Variants in ST6GALNAC3 observed in about 807,000 individuals in gnomAD.
The protein encoded by ST6GALNAC3 is alpha-N-acetylgalactosaminide alpha-2,6-sialyltransferase 3.
A neutral mutation model predicts 32.7 loss-of-function variants in ST6GALNAC3; 25 were observed. The ratio of observed to expected loss-of-function variants is 0.76; its 90% CI spans 0.56 to 1.07. The LOEUF (loss-of-function observed/expected upper bound fraction) is 1.07, where lower values mean the gene tolerates loss of function less well. ST6GALNAC3 is among the 50% of genes least tolerant of loss of function. ST6GALNAC3 has a pLI of 0.00. For missense variants in ST6GALNAC3, 355 were observed against 382.4 expected, an observed-to-expected ratio of 0.93 and a Z score of 0.60; for synonymous variants, 129 against 133.1, an observed-to-expected ratio of 0.97 and a Z score of 0.21.
rs186017720 is a variant in ST6GALNAC3 at position 76,399,704 on chromosome 1, A to G, written c.214-12304A>G. 1.9e-3 allele frequency among the ~76,000 whole-genome samples: 295 copies of G among 152,318 alleles called. 1 individual carries two copies. The highest frequency in any genetic ancestry group is 6.7e-3 in the African/African-American group (277 of 41,580). On this transcript the variant is annotated intron_variant, in intron 2 of 4. Coordinates refer to ENST00000328299, the MANE Select transcript of ST6GALNAC3 (RefSeq NM_152996.4). ...ACCTCTTTACACCATTGAATTTTCT[A>G]TTCCATGTATATGTTATGTCTCTCC...
At chr1:76,508,769 A>C (rs376238586) in intron 3 of ST6GALNAC3, among the ~76,000 whole-genome samples, 22 of 151,722 alleles carry the variant, frequency 1.5e-4, no homozygotes, top group African/African-American at 4.9e-4. Flanking sequence ...TATTCTCTAC[A>C]GTTTTACAGC....
chr1:76,438,703 C>T (rs1398421420), intron 3 of ST6GALNAC3, among the ~76,000 whole-genome samples: 1 of 152,112 alleles, frequency 6.6e-6, no homozygotes, highest in African/African-American at 2.4e-5. Flanking sequence ...CCCATCTCAC[C>T]TCCTCAGTAC....
chr1:76,216,695 T>C lies in ST6GALNAC3; in HGVS notation c.19-97110T>C, dbSNP rs1012454740. Among the ~76,000 whole-genome samples, 39 of 152,236 alleles carry C rather than the reference T, an allele frequency of 2.6e-4. 1 individual carries two copies. On this transcript the variant is annotated intron_variant, in intron 1 of 4. Coordinates refer to ENST00000328299, the MANE Select transcript of ST6GALNAC3 (RefSeq NM_152996.4). ...ATTGGTCAGCAGTTTCATGCAACCA[T>C]TGAGTGAAATCCAATGTGGAAAGGA...
intron 2 of ST6GALNAC3, among the ~76,000 whole-genome samples, chr1:76,392,163 A>C (rs1437974738): frequency 6.6e-6 from 1 of 152,184 alleles, no homozygotes; most frequent in Non-Finnish European, 1.5e-5. Context: ...GACATTGCCA[A>C]ATGTTCCCTA....
intron 3 of ST6GALNAC3, among the ~76,000 whole-genome samples, chr1:76,507,727 G>T (rs1399496789): frequency 6.6e-6 from 1 of 152,162 alleles, no homozygotes; most frequent in Non-Finnish European, 1.5e-5. Flanking sequence ...TTATCATGTG[G>T]TTATGAACAT....
intron 1 of ST6GALNAC3, among the ~76,000 whole-genome samples, chr1:76,165,570 T>G (rs1652069729): frequency 6.6e-6 from 1 of 152,146 alleles, no homozygotes; most frequent in African/African-American, 2.4e-5. Flanking sequence ...GGTATTTCTG[T>G]TTTTAGGTCT....
At chr1:76,113,294 G>GTCCAGCTTCCGCTCGGCA (rs1179792093) in intron 1 of ST6GALNAC3, among the ~76,000 whole-genome samples, 2 of 145,516 alleles carry the variant, frequency 1.4e-5, no homozygotes, top group African/African-American at 5.0e-5. Flanking sequence ...CAGCAGTACA[G>GTCCAGCTTCCGCTCGGCA]TCCAGCTTCC....
chr1:76,588,238 A>T (rs1285358795), intron 3 of ST6GALNAC3, among the ~76,000 whole-genome samples: 1 of 151,888 alleles, frequency 6.6e-6, no homozygotes, highest in Admixed American at 6.6e-5. Flanking sequence ...AATATCACTT[A>T]AAAAAAATAA....
At chr1:76,555,683 G>C (rs1208751331) in intron 3 of ST6GALNAC3, among the ~76,000 whole-genome samples, 1 of 152,090 alleles carries the variant, frequency 6.6e-6, no homozygotes, top group Non-Finnish European at 1.5e-5. Flanking sequence ...AAAGTAGCAG[G>C]TGTAAAGGAG....
At chr1:76,120,532 A>G (rs1482522735) in intron 1 of ST6GALNAC3, among the ~76,000 whole-genome samples, 2 of 152,234 alleles carry the variant, frequency 1.3e-5, no homozygotes. Flanking sequence ...TGATAGATAA[A>G]GAAGATATAA....
intron 1 of ST6GALNAC3, among the ~76,000 whole-genome samples, chr1:76,176,194 A>G (rs2100441893): frequency 6.6e-6 from 1 of 152,318 alleles, no homozygotes; most frequent in Non-Finnish European, 1.5e-5. Context: ...ACAGAGCTTC[A>G]TCTTCTGCTG....
At chr1:76,155,665 G>A (rs1229700230) in intron 1 of ST6GALNAC3, among the ~76,000 whole-genome samples, 4 of 151,198 alleles carry the variant, frequency 2.6e-5, no homozygotes, top group South Asian at 4.2e-4. Flanking sequence ...TTTTAGTAGA[G>A]ACAGGGTTTC....
chr1:76,233,397 A>G (rs1557714749), intron 1 of ST6GALNAC3, among the ~76,000 whole-genome samples: 1 of 152,244 alleles, frequency 6.6e-6, no homozygotes, highest in Non-Finnish European at 1.5e-5. Flanking sequence ...TTCGACCTAA[A>G]GAAGCATACA....
rs145970478 is a variant in ST6GALNAC3, at chr1:76,454,743, C to T, written c.623+42326C>T. On this transcript the variant is annotated intron_variant, in intron 3 of 4. Transcript: ENST00000328299. ...TTTCCTTTCATCTTGACTTTAGATA[C>T]CCTGATGACTATGTGCCTAGACAAT... Among the ~76,000 whole-genome samples, 225 of 152,212 alleles carry T rather than the reference C, an allele frequency of 1.5e-3. 1 individual carries two copies. The highest frequency in any genetic ancestry group is 5.0e-3 in the African/African-American group (209 of 41,556).
intron 2 of ST6GALNAC3, among the ~76,000 whole-genome samples, chr1:76,358,833 C>G (rs1649701002): frequency 6.6e-6 from 1 of 152,176 alleles, no homozygotes. Context: ...GTTCATCCTT[C>G]AAACATAGAG....
chr1:76,313,619 C>T, intron 1 of ST6GALNAC3, 186 bp from the exon 2 acceptor site: 1 of 725,012 alleles, frequency 1.4e-6, no homozygotes, highest in Non-Finnish European at 2.5e-6. Context: ...TTGCTCTCAG[C>T]AGCCCAGCAC....
downstream of ST6GALNAC3, among the ~76,000 whole-genome samples, chr1:76,636,028 A>G (rs979114666): frequency 4.6e-5 from 7 of 152,336 alleles, no homozygotes; most frequent in South Asian, 2.1e-4. Flanking sequence ...GTGCAACTCT[A>G]TGGGTGAGTT....
At chr1:76,486,124 A>G (rs1259701419) in intron 3 of ST6GALNAC3, among the ~76,000 whole-genome samples, 3 of 152,120 alleles carry the variant, frequency 2.0e-5, no homozygotes, top group African/African-American at 7.2e-5. Flanking sequence ...TACATTTGCT[A>G]AGGAGTGCTT....
intron 3 of ST6GALNAC3, among the ~76,000 whole-genome samples, chr1:76,413,935 G>T (rs1169691875): frequency 6.6e-6 from 1 of 152,102 alleles, no homozygotes; most frequent in Non-Finnish European, 1.5e-5. Flanking sequence ...ATTAGTTAGA[G>T]TTAGCCCTCA....
Sources: gnomAD v4.1 joint callset for allele counts (sites outside exome capture counted in the v4.1 genomes callset) on GRCh38, gnomAD v4.1.1 for gene constraint, MANE v1.5 for transcripts, NCBI Gene and HGNC (gene_info 2026-07-23, HGNC 2026-07-21) for gene names.